SDCBP: variants seen among roughly 807,000 people sequenced by gnomAD.
The protein encoded by SDCBP is syntenin-1.
SDCBP carries 22 observed loss-of-function variants against 30.5 expected under a neutral mutation model. The ratio of observed to expected loss-of-function variants is 0.72; its 90% CI spans 0.52 to 1.03. SDCBP has a LOEUF of 1.03. SDCBP is among the 50% of genes least tolerant of loss of function. SDCBP has a pLI of 0.00. For synonymous variants in SDCBP, 103 were observed against 118.7 expected, an observed-to-expected ratio of 0.87 and a Z score of 0.86; for missense variants, 304 against 369.9, an observed-to-expected ratio of 0.82 and a Z score of 1.46.
intron 1 of SDCBP, among the ~76,000 whole-genome samples, chr8:58,562,967 T>C (rs1585684093): frequency 1.3e-5 from 2 of 152,314 alleles, no homozygotes; most frequent in South Asian, 4.1e-4. Flanking sequence ...TTTGTGACTG[T>C]GTCCCTCCAT....
intron 1 of SDCBP, among the ~76,000 whole-genome samples, chr8:58,554,069 G>A (rs1029383627): frequency 2.6e-5 from 4 of 152,080 alleles, no homozygotes; most frequent in Non-Finnish European, 5.9e-5. Context: ...CCAAAGTGGT[G>A]ATTATTGAGT....
chr8:58,568,094 T>C (rs1804800590), intron 2 of SDCBP, among the ~76,000 whole-genome samples: 2 of 152,214 alleles, frequency 1.3e-5, no homozygotes, highest in African/African-American at 4.8e-5. Flanking sequence ...GAATTATAAA[T>C]TAACCTTAGC....
chr8:58,568,947 C>G (rs1486693184), intron 2 of SDCBP, among the ~76,000 whole-genome samples: 2 of 151,862 alleles, frequency 1.3e-5, no homozygotes, highest in African/African-American at 4.8e-5. Flanking sequence ...TACAGTGGCA[C>G]AGTCATGGTT....
chr8:58,582,201 G>A lies in SDCBP; in HGVS notation c.*461G>A, dbSNP rs2129608554. The A allele has an allele frequency of 6.4e-6, 1 of 155,770 alleles. No homozygotes were observed. Among genetic ancestry groups the A allele is most frequent in the Middle Eastern group, 3.3e-3 (1 of 306 alleles). The allele number at this position is 155,770 out of a possible 1,614,324, so 9.6% of individuals were successfully genotyped here. ...TTGATTTTTTTTTTAAATTCTGTGT[G>A]TGTGTGTGTAAAATGCCAATTAAGA... On this transcript the variant is annotated 3_prime_UTR_variant, in exon 9 of 9. Transcript: ENST00000260130.
intron 4 of SDCBP, among the ~76,000 whole-genome samples, chr8:58,575,384 T>C (rs1377758011): frequency 6.6e-6 from 1 of 152,160 alleles, no homozygotes; most frequent in Non-Finnish European, 1.5e-5. Context: ...GATTTGTTAA[T>C]CCATAGATGG....
At chr8:58,578,996 C>T (rs1489140942) in intron 6 of SDCBP, among the ~76,000 whole-genome samples, 1 of 152,156 alleles carries the variant, frequency 6.6e-6, no homozygotes, top group Non-Finnish European at 1.5e-5. Context: ...CTTATGATAA[C>T]ATGATAACAG....
chr8:58,565,387 G>T (rs11783174), intron 2 of SDCBP, among the ~76,000 whole-genome samples: 47,874 of 151,648 alleles, frequency 0.32, 7,749 homozygotes, highest in East Asian at 0.56. Flanking sequence ...CTCCAATTTT[G>T]TAGATATTCA....
At chr8:58,562,855 T>A (rs7011095) in intron 1 of SDCBP, among the ~76,000 whole-genome samples, 47,890 of 152,006 alleles carry the variant, frequency 0.32, 7,744 homozygotes, top group East Asian at 0.55. Flanking sequence ...AAAAACCTCA[T>A]ATTGCAAAAT....
At chr8:58,579,217 A>G (rs1805529742) in intron 6 of SDCBP, among the ~76,000 whole-genome samples, 1 of 146,164 alleles carries the variant, frequency 6.8e-6, no homozygotes, top group Admixed American at 6.8e-5. Context: ...TAAATAAAAG[A>G]AATAGTCCTA....
chr8:58,563,000 A>G (rs1804517355), intron 1 of SDCBP, among the ~76,000 whole-genome samples: 2 of 152,198 alleles, frequency 1.3e-5, no homozygotes, highest in South Asian at 4.1e-4. Context: ...TCCTGTAATC[A>G]TCAAGGGGAT....
At chr8:58,575,416 A>G (rs1310876472) in intron 4 of SDCBP, among the ~76,000 whole-genome samples, 3 of 152,168 alleles carry the variant, frequency 2.0e-5, no homozygotes, top group African/African-American at 7.2e-5. Context: ...GAAGAGACAT[A>G]ATAGTTGACT....
At chr8:58,562,999 C>G (rs1412653838) in intron 1 of SDCBP, among the ~76,000 whole-genome samples, 2 of 152,128 alleles carry the variant, frequency 1.3e-5, no homozygotes, top group Admixed American at 6.5e-5. Context: ...ATCCTGTAAT[C>G]ATCAAGGGGA....
chr8:58,573,276 T>G (rs1035500157), intron 4 of SDCBP, among the ~76,000 whole-genome samples: 1 of 152,224 alleles, frequency 6.6e-6, no homozygotes, highest in Non-Finnish European at 1.5e-5. Flanking sequence ...GTGTCTGTCT[T>G]GTTGCCATAT....
At chr8:58,554,742 T>G (rs1177204649) in intron 1 of SDCBP, among the ~76,000 whole-genome samples, 1 of 152,204 alleles carries the variant, frequency 6.6e-6, no homozygotes, top group Non-Finnish European at 1.5e-5. Context: ...TTTTTATAGG[T>G]ATTAAATGCC....
intron 1 of SDCBP, chr8:58,561,785 T>C: frequency 1.4e-6 from 1 of 691,762 alleles, no homozygotes; most frequent in Non-Finnish European, 2.6e-6. Flanking sequence ...CTGCATATTA[T>C]TGTAATGGTG....
In SDCBP at chr8:58,578,036, A is replaced by T; in HGVS notation, c.406A>T (p.Ile136Leu). ...AAATTATTTTCTTATTATCTAGGGT[A>T]TATTTGTTCAGCTAGTCCAGGCTAA... Reference protein sequence around the residue: ...GLRLKSIDNGIFVQLVQANSP... With the variant: ...GLRLKSIDNGLFVQLVQANSP... Residue 136 changes from isoleucine to leucine, a missense_variant, in exon 6 of 9, where the codon ATA becomes TTA. By Grantham distance (5) the Ile-to-Leu change is conservative. Coordinates refer to ENST00000260130, the MANE Select transcript of SDCBP (RefSeq NM_005625.4). 2 of 1,611,670 alleles carry T rather than the reference A, an allele frequency of 1.2e-6. No individual in the cohort carries two copies. Among genetic ancestry groups the T allele is most frequent in the Non-Finnish European group, 1.7e-6 (2 of 1,177,976 alleles).
chr8:58,559,515 A>G (rs1804322947), intron 1 of SDCBP, among the ~76,000 whole-genome samples: 1 of 152,186 alleles, frequency 6.6e-6, no homozygotes, highest in African/African-American at 2.4e-5. Context: ...GATTAATACA[A>G]TTAAATCATA....
chr8:58,575,843 TG>T (rs1186129557), intron 4 of SDCBP, 56 bp from the exon 5 acceptor site: 55 of 1,422,134 alleles, frequency 3.9e-5, no homozygotes, highest in Non-Finnish European at 5.0e-5. Flanking sequence ...TAATTATCAT[TG>T]TTTTTTTCAA....
rs182865020 is a variant in SDCBP, at chr8:58,555,082, T to G, written c.-16+1779T>G. ...TTAACATTTTATATACTGCTTCACA[T>G]TTTGCTCTTATTTTTCCAGTTAGTG... On this transcript the variant is annotated intron_variant, in intron 1 of 8. Coordinates refer to ENST00000260130, the MANE Select transcript of SDCBP (RefSeq NM_005625.4). 2.4e-3 allele frequency among the ~76,000 whole-genome samples: 359 copies of G among 152,348 alleles called. 1 individual carries two copies. Among genetic ancestry groups the G allele is most frequent in the Middle Eastern group, 0.02 (6 of 294 alleles).
Sources: gnomAD v4.1 joint callset for allele counts (sites outside exome capture counted in the v4.1 genomes callset) on GRCh38, gnomAD v4.1.1 for gene constraint, MANE v1.5 for transcripts, NCBI Gene and HGNC (gene_info 2026-07-23, HGNC 2026-07-21) for gene names.